Variants in C6orf89 observed in about 807,000 individuals in gnomAD.
C6orf89 encodes chromosome 6 open reading frame 89, also known as bombesin receptor-activated protein C6orf89.
A neutral mutation model predicts 40.7 loss-of-function variants in C6orf89; 29 were observed. The observed-to-expected ratio is 0.71, with a 90% confidence interval of 0.53 to 0.97. C6orf89 has a LOEUF of 0.97. Ranked by LOEUF, C6orf89 falls within the 50% of genes least tolerant of loss-of-function variation. The pLI is 0.00. For missense variants in C6orf89, 392 were observed against 429.1 expected, an observed-to-expected ratio of 0.91 and a Z score of 0.76; for synonymous variants, 165 against 152.2, an observed-to-expected ratio of 1.08 and a Z score of -0.62.
At chr6:36,922,561 G>A (rs1261888248) in intron 8 of C6orf89, among the ~76,000 whole-genome samples, 1 of 152,136 alleles carries the variant, frequency 6.6e-6, no homozygotes, top group Non-Finnish European at 1.5e-5. Context: ...GGCAAGTAGG[G>A]TCTCGAGTCA....
intron 1 of C6orf89, among the ~76,000 whole-genome samples, chr6:36,892,388 G>A (rs1257327253): frequency 1.3e-5 from 2 of 152,172 alleles, no homozygotes; most frequent in African/African-American, 2.4e-5. Context: ...CGGGAGTGCA[G>A]TTGCTGTTCA....
At chr6:36,905,605 C>A (rs1479943736) in intron 4 of C6orf89, among the ~76,000 whole-genome samples, 5 of 152,188 alleles carry the variant, frequency 3.3e-5, no homozygotes, top group African/African-American at 9.7e-5. Flanking sequence ...CTAGTCTGCA[C>A]CCTTATGGAT....
At chr6:36,881,727 T>C (rs532299459), upstream of C6orf89, among the ~76,000 whole-genome samples, 1 of 152,212 alleles carries the variant, frequency 6.6e-6, no homozygotes, top group African/African-American at 2.4e-5. Flanking sequence ...ATTCTATGTG[T>C]GAACATATTG....
chr6:36,915,040 C>G (rs1762266102), intron 6 of C6orf89, among the ~76,000 whole-genome samples: 1 of 152,108 alleles, frequency 6.6e-6, no homozygotes, highest in African/African-American at 2.4e-5. Context: ...AGGAAAGGGG[C>G]AGACCAGAAA....
At chr6:36,899,716 C>A (rs1425593089) in intron 3 of C6orf89, 83 bp downstream of exon 3, 1 of 1,321,346 alleles carries the variant, frequency 7.6e-7, no homozygotes, top group Non-Finnish European at 1.1e-6. Context: ...GTTGACTAAT[C>A]CCACCACTGA....
intron 4 of C6orf89, among the ~76,000 whole-genome samples, chr6:36,903,804 A>G (rs922610941): frequency 2.0e-5 from 3 of 152,242 alleles, no homozygotes; most frequent in Non-Finnish European, 2.9e-5. Context: ...TATCAAAATC[A>G]GAGGAAGGGA....
intron 1 of C6orf89, chr6:36,874,901 C>T: frequency 2.9e-6 from 3 of 1,045,792 alleles, no homozygotes; most frequent in Non-Finnish European, 4.3e-6. Context: ...GTGGCCAAGA[C>T]AAGGAAGAGG....
Position 36,885,991 on chromosome 6 carries a change from C to T in C6orf89, c.-157C>T, listed in dbSNP as rs1187403423. On this transcript the variant is annotated 5_prime_UTR_variant, in exon 1 of 9. Coordinates refer to ENST00000480824, the MANE Select transcript of C6orf89 (RefSeq NM_001286635.2). The stretch of plus-strand genomic sequence containing the variant: ...CCTCCTCGCCCGGCGGCAGCTGTCC[C>T]CGAGGCGGGAGGAGCCCGAGGGGCG... 2 of 1,189,492 alleles carry T rather than the reference C, an allele frequency of 1.7e-6. No individual in the cohort carries two copies. The highest frequency in any genetic ancestry group is 2.1e-6 in the Non-Finnish European group (2 of 974,082). 73.7% of individuals were successfully genotyped at this position (1,189,492 alleles called of 1,614,324 possible).
intron 4 of C6orf89, among the ~76,000 whole-genome samples, chr6:36,907,832 C>T (rs1451149823): frequency 6.6e-6 from 1 of 152,098 alleles, no homozygotes. Flanking sequence ...TGAGATGCAG[C>T]ATATTAGGTA....
chr6:36,916,366 C>G, intron 6 of C6orf89, 79 bp from the exon 7 acceptor site: 1 of 1,571,318 alleles, frequency 6.4e-7, no homozygotes, highest in Non-Finnish European at 8.7e-7. Flanking sequence ...ACAGTTTTCC[C>G]ACCCTTACTT....
chr6:36,890,781 C>T (rs927129135), intron 1 of C6orf89, among the ~76,000 whole-genome samples: 5 of 152,138 alleles, frequency 3.3e-5, no homozygotes, highest in Admixed American at 6.5e-5. Context: ...CCAAGTGATC[C>T]ACCCGCCTCA....
intron 1 of C6orf89, among the ~76,000 whole-genome samples, chr6:36,888,868 TA>T (rs904933462): frequency 1.3e-5 from 2 of 152,146 alleles, no homozygotes; most frequent in African/African-American, 4.8e-5. Context: ...GAATAGTTTT[TA>T]AATTTGGAGG....
At position 36,874,765 on chromosome 6, in the gene C6orf89, G is replaced by A. The variant is rs201439954; in HGVS notation, c.-628+2798G>A. The A allele has an allele frequency of 3.7e-5, 60 of 1,614,076 alleles. 1 individual carries two copies. The highest frequency in any genetic ancestry group is 3.3e-4 in the East Asian group (15 of 44,884). ...TGGCTGCCAGGAATCTGGGGGAATT[G>A]CCGCCATAGCGAAGCCGGCGGCGGA... On this transcript the variant is annotated intron_variant, in intron 1 of 9. Transcript: ENST00000359359.
At chr6:36,911,931 C>CG (rs1554137391) in intron 4 of C6orf89, among the ~76,000 whole-genome samples, 2 of 25,888 alleles carry the variant, frequency 7.7e-5, no homozygotes, top group Non-Finnish European at 1.1e-4. Flanking sequence ...TCACAGTGAA[C>CG]CCCCCCCCCC....
chr6:36,906,676 T>C (rs991405897), intron 4 of C6orf89, among the ~76,000 whole-genome samples: 4 of 152,162 alleles, frequency 2.6e-5, no homozygotes, highest in African/African-American at 7.2e-5. Flanking sequence ...CTCTACGGTG[T>C]GTGAAAATGG....
intron 8 of C6orf89, among the ~76,000 whole-genome samples, chr6:36,922,969 A>T (rs1762561984): frequency 6.6e-6 from 1 of 152,152 alleles, no homozygotes; most frequent in African/African-American, 2.4e-5. Flanking sequence ...GTGGTGATAA[A>T]GCATTTAAAG....
chr6:36,881,977 G>A (rs1052384479), upstream of C6orf89, among the ~76,000 whole-genome samples: 9 of 151,922 alleles, frequency 5.9e-5, no homozygotes, highest in African/African-American at 2.2e-4. Flanking sequence ...ATAAAATTTG[G>A]TTCCCTCTTT....
Position 36,877,647 on chromosome 6 carries a change from T to C in C6orf89, c.-627-1361T>C, listed in dbSNP as rs528829524. On this transcript the variant is annotated intron_variant, in intron 1 of 9. Coordinates refer to the C6orf89 transcript ENST00000359359. ...CCTGGCCAGTGGCTGTAGCAATTTA[T>C]GTATGCACCAGCAGCCTGTGAGAAT... 5.4e-3 allele frequency among the ~76,000 whole-genome samples: 826 copies of C among 152,346 alleles called. 8 individuals are homozygous for C. Among genetic ancestry groups the C allele is most frequent in the African/African-American group, 0.018 (745 of 41,580 alleles).
At chr6:36,885,049 C>G (rs1774925022), upstream of C6orf89, among the ~76,000 whole-genome samples, 1 of 152,102 alleles carries the variant, frequency 6.6e-6, no homozygotes, top group Non-Finnish European at 1.5e-5. Context: ...GAGAAAATGA[C>G]CAAAACGGGG....
Sources: gnomAD v4.1 joint callset for allele counts (sites outside exome capture counted in the v4.1 genomes callset) on GRCh38, gnomAD v4.1.1 for gene constraint, MANE v1.5 for transcripts, NCBI Gene and HGNC (gene_info 2026-07-23, HGNC 2026-07-21) for gene names.